The following TRAPPC9 variants were observed in gnomAD, a reference collection of about 807,000 sequenced individuals.
TRAPPC9 encodes IKK2 binding protein.
TRAPPC9 carries 83 observed loss-of-function variants against 124.0 expected under a neutral mutation model. That is an observed-to-expected ratio of 0.67 (90% CI 0.56 to 0.80). The LOEUF (loss-of-function observed/expected upper bound fraction) is 0.80, where lower values mean the gene tolerates loss of function less well. Ranked by LOEUF, TRAPPC9 falls within the 30% of genes least tolerant of loss-of-function variation. TRAPPC9 has a pLI of 0.00. For missense variants in TRAPPC9, 1,302 were observed against 1,508.3 expected, an observed-to-expected ratio of 0.86 and a Z score of 2.27; for synonymous variants, 638 against 617.5, an observed-to-expected ratio of 1.03 and a Z score of -0.49.
At chr8:140,436,242 A>C (rs2070809532) in intron 3 of TRAPPC9, among the ~76,000 whole-genome samples, 1 of 152,192 alleles carries the variant, frequency 6.6e-6, no homozygotes, top group Non-Finnish European at 1.5e-5. Flanking sequence ...GCTACTCGGG[A>C]GGCTGAGGCA....
intron 16 of TRAPPC9, among the ~76,000 whole-genome samples, chr8:140,248,177 G>T (rs73714824): frequency 0.063 from 9,521 of 152,188 alleles, 533 homozygotes; most frequent in African/African-American, 0.15. Flanking sequence ...TTCTGTGTTT[G>T]GGGGTGGTAC....
At chr8:140,364,478 C>T (rs1253196838) in intron 8 of TRAPPC9, among the ~76,000 whole-genome samples, 2 of 152,120 alleles carry the variant, frequency 1.3e-5, no homozygotes, top group Non-Finnish European at 2.9e-5. Flanking sequence ...AAACACTACT[C>T]CTTCCCAATT....
intron 20 of TRAPPC9, among the ~76,000 whole-genome samples, chr8:139,896,203 C>T (rs568841509): frequency 2.0e-5 from 3 of 152,342 alleles, no homozygotes; most frequent in Admixed American, 6.5e-5. Context: ...TGGCTGAAGG[C>T]AGCGATTACA....
intron 21 of TRAPPC9, among the ~76,000 whole-genome samples, chr8:139,863,501 C>A (rs1015364799): frequency 1.3e-5 from 2 of 152,196 alleles, no homozygotes; most frequent in Non-Finnish European, 2.9e-5. Context: ...AAATCCAGAG[C>A]GTGGAACCTT....
chr8:140,414,663 A>G (rs1371990456), intron 5 of TRAPPC9, among the ~76,000 whole-genome samples: 1 of 152,256 alleles, frequency 6.6e-6, no homozygotes, highest in Non-Finnish European at 1.5e-5. Context: ...TGGGGAATTC[A>G]CAAATACTTG....
chr8:140,035,660 G>A (rs535707756), intron 17 of TRAPPC9, among the ~76,000 whole-genome samples: 82 of 152,276 alleles, frequency 5.4e-4, no homozygotes, highest in Middle Eastern at 6.8e-3. Flanking sequence ...TCCAGTTCCC[G>A]TAGCTAGTAA....
chr8:139,930,818 G>A (rs1431656178), intron 19 of TRAPPC9, among the ~76,000 whole-genome samples: 2 of 152,146 alleles, frequency 1.3e-5, no homozygotes, highest in African/African-American at 2.4e-5. Flanking sequence ...GGAAGGAGGC[G>A]AAAACGGGGC....
intron 1 of TRAPPC9, among the ~76,000 whole-genome samples, chr8:140,455,047 C>T (rs1019310003): frequency 5.9e-5 from 9 of 152,190 alleles, no homozygotes; most frequent in Non-Finnish European, 1.2e-4. Context: ...GGTAGTTCCT[C>T]CATAGAGCTA....
chr8:140,383,998 G>A (rs1425408683), intron 7 of TRAPPC9, among the ~76,000 whole-genome samples: 2 of 152,060 alleles, frequency 1.3e-5, no homozygotes, highest in Admixed American at 1.3e-4. Context: ...AAGAGAGTAG[G>A]GGCCAATATT....
intron 21 of TRAPPC9, among the ~76,000 whole-genome samples, chr8:139,831,126 G>A (rs569412054): frequency 2.0e-5 from 3 of 152,340 alleles, no homozygotes; most frequent in South Asian, 4.1e-4. Flanking sequence ...ACAGGAGAGA[G>A]GGCTGGGAAT....
intron 19 of TRAPPC9, among the ~76,000 whole-genome samples, chr8:139,946,885 G>C (rs1425095194): frequency 6.6e-6 from 1 of 152,120 alleles, no homozygotes; most frequent in Admixed American, 6.5e-5. Flanking sequence ...TACTCGGGAG[G>C]CTGAGGCAGG....
chr8:140,114,841 C>T (rs1046688329), intron 17 of TRAPPC9, among the ~76,000 whole-genome samples: 7 of 152,060 alleles, frequency 4.6e-5, no homozygotes, highest in South Asian at 2.1e-4. Context: ...GTCGATGATC[C>T]GGAATATGTG....
chr8:140,206,170 A>C (rs1306973132), intron 17 of TRAPPC9, among the ~76,000 whole-genome samples: 6 of 152,256 alleles, frequency 3.9e-5, no homozygotes, highest in Non-Finnish European at 1.5e-5. Context: ...CTCAAAAGAT[A>C]CATAATAAGC....
intron 17 of TRAPPC9, among the ~76,000 whole-genome samples, chr8:140,176,520 G>A (rs1259917154): frequency 1.3e-5 from 2 of 152,166 alleles, no homozygotes; most frequent in African/African-American, 4.8e-5. Context: ...ACTGCCACGT[G>A]GTATTGCACT....
chr8:140,187,447 G>A (rs907464518), intron 17 of TRAPPC9, among the ~76,000 whole-genome samples: 64 of 152,170 alleles, frequency 4.2e-4, no homozygotes, highest in African/African-American at 1.5e-3. Flanking sequence ...GCTTCCGAGG[G>A]TCCCACATGG....
intron 21 of TRAPPC9, among the ~76,000 whole-genome samples, chr8:139,748,893 A>G (rs1819133969): frequency 6.6e-6 from 1 of 152,118 alleles, no homozygotes; most frequent in African/African-American, 2.4e-5. Context: ...TGGGGTCTCC[A>G]CCAGGATTTC....
At chr8:140,365,408 T>G (rs1047218596) in intron 8 of TRAPPC9, among the ~76,000 whole-genome samples, 1 of 152,158 alleles carries the variant, frequency 6.6e-6, no homozygotes, top group East Asian at 1.9e-4. Context: ...CTCACCAGGC[T>G]GTAAGAAATG....
At chr8:140,210,620 A>G (rs949960302) in intron 17 of TRAPPC9, among the ~76,000 whole-genome samples, 2 of 147,434 alleles carry the variant, frequency 1.4e-5, no homozygotes, top group African/African-American at 5.1e-5. Flanking sequence ...CCCCTTTCCC[A>G]CCCAGCAAAC....
intron 17 of TRAPPC9, among the ~76,000 whole-genome samples, chr8:140,089,131 C>G (rs937075125): frequency 3.3e-5 from 5 of 152,184 alleles, no homozygotes; most frequent in Admixed American, 3.3e-4. Context: ...AAACCAAGCT[C>G]CCACTGTGGG....
Sources: allele counts gnomAD v4.1 joint callset (sites outside exome capture counted in the v4.1 genomes callset), GRCh38; gene constraint gnomAD v4.1.1; transcripts MANE v1.5; gene names NCBI Gene and HGNC (gene_info 2026-07-23, HGNC 2026-07-21).